RALYL: variants seen among roughly 807,000 people sequenced by gnomAD.
The protein encoded by RALYL is RNA-binding Raly-like protein.
Under a neutral mutation model 35.1 loss-of-function variants are expected in RALYL, and 29 were observed. That is an observed-to-expected ratio of 0.83 (90% CI 0.61 to 1.13). The LOEUF is 1.13. Ranked by LOEUF, RALYL falls within the 50% of genes most tolerant of loss-of-function variation. The pLI is 0.00. For missense variants in RALYL, 359 were observed against 360.4 expected (o/e 1.00, Z 0.03); for synonymous variants, 120 against 127.6 (o/e 0.94, Z 0.40).
chr8:84,833,285 T>G (rs1027797005), intron 4 of RALYL, among the ~76,000 whole-genome samples: 2 of 152,134 alleles, frequency 1.3e-5, no homozygotes, highest in African/African-American at 4.8e-5. Flanking sequence ...AAAGTGAAAG[T>G]CCAATGGAAT....
chr8:84,595,142 A>G (rs1033854847), intron 2 of RALYL, among the ~76,000 whole-genome samples: 4 of 152,166 alleles, frequency 2.6e-5, no homozygotes, highest in African/African-American at 9.6e-5. Flanking sequence ...GTAACTAAAA[A>G]GGTGGGCACG....
At chr8:84,699,893 G>A (rs1839894813) in intron 2 of RALYL, among the ~76,000 whole-genome samples, 1 of 152,068 alleles carries the variant, frequency 6.6e-6, no homozygotes, top group Admixed American at 6.6e-5. Context: ...AAAATATATT[G>A]AAGGGAGGTG....
intron 2 of RALYL, among the ~76,000 whole-genome samples, chr8:84,588,685 A>C (rs1466666720): frequency 6.6e-6 from 1 of 152,184 alleles, no homozygotes; most frequent in African/African-American, 2.4e-5. Flanking sequence ...AAAAACCAAA[A>C]GAAATAAAGA....
At chr8:84,698,893 C>G (rs1229427732) in intron 2 of RALYL, among the ~76,000 whole-genome samples, 2 of 152,124 alleles carry the variant, frequency 1.3e-5, no homozygotes, top group East Asian at 1.9e-4. Context: ...AGAATTTTCT[C>G]TAGCTACAAT....
intron 2 of RALYL, among the ~76,000 whole-genome samples, chr8:84,542,260 G>A (rs563645557): frequency 6.6e-6 from 1 of 151,958 alleles, no homozygotes; most frequent in Non-Finnish European, 1.5e-5. Flanking sequence ...TACCTGGATT[G>A]TTTTGAAGTA....
chr8:84,453,022 T>TAA (rs2049691874), intron 1 of RALYL, among the ~76,000 whole-genome samples: 1 of 151,910 alleles, frequency 6.6e-6, no homozygotes, highest in Non-Finnish European at 1.5e-5. Flanking sequence ...TCATCAGAGC[T>TAA]TTTAAAGAAT....
At chr8:84,312,994 T>G (rs986567781) in intron 1 of RALYL, among the ~76,000 whole-genome samples, 2 of 152,232 alleles carry the variant, frequency 1.3e-5, no homozygotes, top group Admixed American at 1.3e-4. Context: ...TGCATGGACA[T>G]CCAGGCATTT....
rs145768012 is a variant in RALYL at position 84,625,593 on chromosome 8, A to G, written c.256+96016A>G. 4.3e-4 allele frequency among the ~76,000 whole-genome samples: 66 copies of G among 152,326 alleles called. 1 individual carries two copies. Among genetic ancestry groups the G allele is most frequent in the African/African-American group, 1.6e-3 (65 of 41,572 alleles). On this transcript the variant is annotated intron_variant, in intron 2 of 8. Coordinates refer to ENST00000521268, the MANE Select transcript of RALYL (RefSeq NM_173848.7). ...TGCTTTATTATTTTAACCTTCATAG[A>G]GATCCCATAAAGTAGATACCATAAT...
intron 2 of RALYL, among the ~76,000 whole-genome samples, chr8:84,579,283 G>A (rs1327800649): frequency 3.3e-5 from 5 of 152,110 alleles, no homozygotes; most frequent in African/African-American, 4.8e-5. Flanking sequence ...GCCCACTCCC[G>A]GGCACCAGGA....
intron 2 of RALYL, among the ~76,000 whole-genome samples, chr8:84,702,979 G>A (rs1840471574): frequency 6.6e-6 from 1 of 152,124 alleles, no homozygotes; most frequent in South Asian, 2.1e-4. Context: ...TGGGATTCTT[G>A]AAGAGGGCAG....
At chr8:84,293,094 G>A (rs780986860) in intron 1 of RALYL, among the ~76,000 whole-genome samples, 1 of 152,032 alleles carries the variant, frequency 6.6e-6, no homozygotes, top group African/African-American at 2.4e-5. Context: ...ATATGGTAAT[G>A]GAAAACGTGG....
At chr8:84,304,371 C>T (rs191500683) in intron 1 of RALYL, among the ~76,000 whole-genome samples, 8 of 152,136 alleles carry the variant, frequency 5.3e-5, no homozygotes, top group Admixed American at 5.2e-4. Flanking sequence ...CCCGTCTCTG[C>T]CTCCCTAAAG....
intron 2 of RALYL, among the ~76,000 whole-genome samples, chr8:84,613,590 C>T (rs1438208151): frequency 6.6e-6 from 1 of 151,276 alleles, no homozygotes; most frequent in African/African-American, 2.4e-5. Flanking sequence ...AATAAGTTAT[C>T]CAAAGTCACA....
At chr8:84,876,429 C>T (rs981995512) in intron 7 of RALYL, among the ~76,000 whole-genome samples, 5 of 152,256 alleles carry the variant, frequency 3.3e-5, no homozygotes, top group Admixed American at 1.3e-4. Context: ...AAAATCAGTT[C>T]GGCCAGCAAT....
intron 2 of RALYL, among the ~76,000 whole-genome samples, chr8:84,701,952 T>G (rs572670278): frequency 1.4e-5 from 2 of 145,452 alleles, no homozygotes; most frequent in South Asian, 4.3e-4. Context: ...ATTAGCCAGA[T>G]TTTAATCAGG....
intron 1 of RALYL, among the ~76,000 whole-genome samples, chr8:84,200,767 A>T (rs1009833482): frequency 1.3e-5 from 2 of 152,148 alleles, no homozygotes; most frequent in Admixed American, 6.5e-5. Flanking sequence ...TTGAAAATGC[A>T]TTCCTACTTT....
At chr8:84,377,451 G>GC (rs757300827) in intron 1 of RALYL, among the ~76,000 whole-genome samples, 2 of 83,720 alleles carry the variant, frequency 2.4e-5, no homozygotes, top group Non-Finnish European at 4.7e-5. Flanking sequence ...AAGGTTAACT[G>GC]TTTTTTTTTT....
intron 2 of RALYL, among the ~76,000 whole-genome samples, chr8:84,682,325 G>C (rs1441320771): frequency 2.6e-5 from 4 of 152,114 alleles, no homozygotes; most frequent in African/African-American, 9.7e-5. Context: ...TCTCTGCCAG[G>C]CTTTGGTATC....
At chr8:84,802,624 A>G (rs1823614646) in intron 3 of RALYL, among the ~76,000 whole-genome samples, 1 of 152,226 alleles carries the variant, frequency 6.6e-6, no homozygotes, top group Non-Finnish European at 1.5e-5. Context: ...GAGAGAAATC[A>G]ATCAATAAAT....
Sources: allele counts gnomAD v4.1 joint callset (sites outside exome capture counted in the v4.1 genomes callset), GRCh38; gene constraint gnomAD v4.1.1; transcripts MANE v1.5; gene names NCBI Gene and HGNC (gene_info 2026-07-23, HGNC 2026-07-21).